PHF21B: variants seen among roughly 807,000 people sequenced by gnomAD.
PHF21B encodes PHD finger protein 21B, also known as PHD finger protein 4.
A neutral mutation model predicts 62.2 loss-of-function variants in PHF21B; 22 were observed. That is an observed-to-expected ratio of 0.35 (90% CI 0.25 to 0.51). The LOEUF (loss-of-function observed/expected upper bound fraction) is 0.51. Among genes scored for constraint, PHF21B ranks in the 20% least tolerant of loss-of-function variants. The pLI, the probability that PHF21B is intolerant of heterozygous loss-of-function variation, is 0.97. For synonymous variants in PHF21B, 341 were observed against 314.7 expected (o/e 1.08, Z -0.88); for missense variants, 701 against 707.9 (o/e 0.99, Z 0.11).
intron 2 of PHF21B, 99 bp downstream of exon 2, chr22:45,008,446 G>T: frequency 8.5e-7 from 1 of 1,179,926 alleles, no homozygotes; most frequent in South Asian, 1.7e-5. Flanking sequence ...CTGGGAGTCT[G>T]AGCGTGCGTC....
rs10666558 is a variant in PHF21B, at chr22:44,933,734, G to GACAGAC, written c.121-13245_121-13244insGTCTGT. ...TGCAGATAAGAGAGAGAGAGAGAGA[G>GACAGAC]AGACAGACAGACAGACAGAGAGACA... is the stretch of plus-strand genomic sequence containing the variant. On this transcript the variant is annotated intron_variant, in intron 2 of 12. Transcript: ENST00000313237. Among the ~76,000 whole-genome samples, 61 of 148,986 alleles carry GACAGAC rather than the reference G, an allele frequency of 4.1e-4. 2 individuals carry two copies. Among genetic ancestry groups the GACAGAC allele is most frequent in the Admixed American group, 1.0e-3 (15 of 14,946 alleles).
chr22:44,895,953 A>G (rs3752467), intron 6 of PHF21B, 79 bp downstream of exon 6: 621,541 of 1,503,270 alleles, frequency 0.41, 131,972 homozygotes, highest in East Asian at 0.73. Context: ...CAGACCACCC[A>G]TCATCACACC....
chr22:44,928,169 ACAT>A (rs1366750451), intron 2 of PHF21B, among the ~76,000 whole-genome samples: 1 of 152,022 alleles, frequency 6.6e-6, no homozygotes, highest in Non-Finnish European at 1.5e-5. Flanking sequence ...GCTGGCTTTG[ACAT>A]CAGCTGTGCG....
intron 2 of PHF21B, among the ~76,000 whole-genome samples, chr22:44,958,384 G>A (rs1253969345): frequency 1.3e-5 from 2 of 152,144 alleles, no homozygotes; most frequent in African/African-American, 2.4e-5. Flanking sequence ...TGAGAACTCC[G>A]AGAGCTTTCT....
chr22:44,896,772 A>G (rs546129110), intron 5 of PHF21B, among the ~76,000 whole-genome samples: 3 of 151,722 alleles, frequency 2.0e-5, no homozygotes, highest in African/African-American at 7.3e-5. Flanking sequence ...CCATTTCTCC[A>G]GTTTTGTAAT....
At chr22:44,935,541 G>A (rs1255377581) in intron 2 of PHF21B, among the ~76,000 whole-genome samples, 1 of 152,090 alleles carries the variant, frequency 6.6e-6, no homozygotes, top group African/African-American at 2.4e-5. Flanking sequence ...GTGAACCCGG[G>A]AGGTGGAGCT....
intron 2 of PHF21B, among the ~76,000 whole-genome samples, chr22:44,936,689 A>T (rs1434750677): frequency 6.6e-6 from 1 of 152,194 alleles, no homozygotes; most frequent in African/African-American, 2.4e-5. Flanking sequence ...ACATAAAATA[A>T]TTATTAAAAT....
intron 4 of PHF21B, among the ~76,000 whole-genome samples, chr22:44,914,549 G>A (rs1434318022): frequency 6.6e-6 from 1 of 152,252 alleles, no homozygotes; most frequent in Non-Finnish European, 1.5e-5. Context: ...AGGCCATCCA[G>A]TCAGGAGGCA....
intron 5 of PHF21B, among the ~76,000 whole-genome samples, chr22:44,899,596 T>C (rs1374535401): frequency 6.6e-6 from 1 of 152,108 alleles, no homozygotes; most frequent in Non-Finnish European, 1.5e-5. Context: ...AGCCTCTTCT[T>C]TTTTCTTCTC....
intron 2 of PHF21B, among the ~76,000 whole-genome samples, chr22:44,922,804 C>T (rs2071560979): frequency 1.3e-5 from 2 of 152,104 alleles, no homozygotes; most frequent in African/African-American, 2.4e-5. Context: ...TTCCAAATAT[C>T]GCCAAAAGAA....
intron 2 of PHF21B, among the ~76,000 whole-genome samples, chr22:44,983,546 C>T (rs570698020): frequency 6.6e-6 from 1 of 152,284 alleles, no homozygotes; most frequent in East Asian, 1.9e-4. Flanking sequence ...GGCCCTGGGC[C>T]GTCGCAAACA....
chr22:44,965,800 C>T (rs1239902695), intron 2 of PHF21B, among the ~76,000 whole-genome samples: 1 of 152,214 alleles, frequency 6.6e-6, no homozygotes, highest in Non-Finnish European at 1.5e-5. Context: ...GCGGACGGGG[C>T]CATCCCAGCA....
intron 2 of PHF21B, among the ~76,000 whole-genome samples, chr22:44,927,276 C>A (rs1569233356): frequency 6.6e-6 from 1 of 151,944 alleles, no homozygotes; most frequent in African/African-American, 2.4e-5. Context: ...CCTGGCCATG[C>A]GTGTCCCCCC....
At chr22:44,921,166 C>T (rs749869647) in intron 2 of PHF21B, among the ~76,000 whole-genome samples, 42 of 152,294 alleles carry the variant, frequency 2.8e-4, no homozygotes, top group Non-Finnish European at 5.0e-4. Flanking sequence ...ATGGGGGTCT[C>T]GCCAACACAC....
rs767592676 is a variant in PHF21B, at chr22:44,883,197, G to A, written c.1485C>T (p.Leu495=). 7 of 1,613,562 alleles carry A rather than the reference G, an allele frequency of 4.3e-6. No homozygotes were observed. The highest frequency in any genetic ancestry group is 5.9e-6 in the Non-Finnish European group (7 of 1,179,988). The part of the protein sequence containing the change: ...LLRLIQGEQL[L]QVTMTTTSPA... ...GGCTAGTGGTCGTCATGGTGACCTG[G>A]AGCAGCTGCTCGCCCTGTATCAGTC... The change falls in exon 13 of 13, where the codon CTC becomes CTT. Residue 495 remains leucine (L), a synonymous_variant. Transcript: ENST00000313237.
At chr22:44,931,101 C>T (rs2071732713) in intron 2 of PHF21B, among the ~76,000 whole-genome samples, 2 of 152,216 alleles carry the variant, frequency 1.3e-5, no homozygotes, top group African/African-American at 4.8e-5. Context: ...GTTGCCCCAA[C>T]TGCAGTGCAG....
intron 2 of PHF21B, among the ~76,000 whole-genome samples, chr22:44,992,844 G>A (rs772492399): frequency 3.9e-5 from 6 of 152,210 alleles, no homozygotes; most frequent in Non-Finnish European, 7.3e-5. Context: ...ACACGATCCT[G>A]TCGGCCTCAT....
intron 10 of PHF21B, 41 bp downstream of exon 10, chr22:44,887,922 C>T: frequency 2.1e-6 from 3 of 1,410,544 alleles, no homozygotes; most frequent in Non-Finnish European, 2.8e-6. Flanking sequence ...TGGGGACCTC[C>T]ATGCCAGTCT....
chr22:44,952,997 G>T (rs1279950445), intron 2 of PHF21B, among the ~76,000 whole-genome samples: 4 of 152,204 alleles, frequency 2.6e-5, no homozygotes, highest in Admixed American at 1.3e-4. Flanking sequence ...GCAGACCCCT[G>T]GGTCTCTTCT....
Sources: gnomAD v4.1 joint callset for allele counts (sites outside exome capture counted in the v4.1 genomes callset) on GRCh38, gnomAD v4.1.1 for gene constraint, MANE v1.5 for transcripts, NCBI Gene and HGNC (gene_info 2026-07-23, HGNC 2026-07-21) for gene names.